The following ZNF516 variants were observed in gnomAD, a reference collection of about 807,000 sequenced individuals.
ZNF516 encodes zinc finger protein 516.
Under a neutral mutation model 79.7 loss-of-function variants are expected in ZNF516, and 19 were observed. The ratio of observed to expected loss-of-function variants is 0.24; its 90% CI spans 0.17 to 0.35. The LOEUF is 0.35. Ranked by LOEUF, ZNF516 falls within the 10% of genes least tolerant of loss-of-function variation. The pLI, the probability that ZNF516 is intolerant of heterozygous loss-of-function variation, is 1.00. For synonymous variants in ZNF516, 877 were observed against 739.5 expected (o/e 1.19, Z -3.02); for missense variants, 1,678 against 1,679.5 (o/e 1.00, Z 0.02).
intron 1 of ZNF516, among the ~76,000 whole-genome samples, chr18:76,469,840 G>T (rs1913721837): frequency 6.6e-6 from 1 of 151,862 alleles, no homozygotes; most frequent in African/African-American, 2.4e-5. Context: ...AGCTAAAATG[G>T]TAAACTTTAT....
chr18:76,475,659 G>C (rs1303230517), intron 1 of ZNF516, among the ~76,000 whole-genome samples: 1 of 152,172 alleles, frequency 6.6e-6, no homozygotes, highest in African/African-American at 2.4e-5. Context: ...CCTCCTGCTG[G>C]CTGCTCACAG....
At chr18:76,421,491 G>GC (rs1438386851) in intron 3 of ZNF516, among the ~76,000 whole-genome samples, 1 of 152,218 alleles carries the variant, frequency 6.6e-6, no homozygotes, top group Non-Finnish European at 1.5e-5. Flanking sequence ...CCCGGGCTGA[G>GC]CCCCCGTGAG....
At chr18:76,411,006 A>G (rs564430307) in intron 3 of ZNF516, among the ~76,000 whole-genome samples, 1 of 152,254 alleles carries the variant, frequency 6.6e-6, no homozygotes, top group Non-Finnish European at 1.5e-5. Flanking sequence ...TAAAGAAATA[A>G]AAGACCAGCT....
At chr18:76,431,557 G>A (rs2075661348) in intron 3 of ZNF516, among the ~76,000 whole-genome samples, 1 of 152,224 alleles carries the variant, frequency 6.6e-6, no homozygotes, top group Non-Finnish European at 1.5e-5. Context: ...TTTGTTGGAG[G>A]TGGGGCCCGA....
Position 76,366,101 on chromosome 18 carries a change from G to A in ZNF516, c.3433-3544C>T, listed in dbSNP as rs984583904. Among the ~76,000 whole-genome samples the A allele has an allele frequency of 1.5e-4, 23 of 152,182 alleles. 1 individual carries two copies. Among genetic ancestry groups the A allele is most frequent in the Non-Finnish European group, 1.5e-4 (10 of 68,032 alleles). On this transcript the variant is annotated intron_variant, in intron 6 of 6. Transcript: ENST00000443185. ...AAAAGACTGCCACTAGTGTCACCAC[G>A]AAAGGAAACTACTTTATTTCTCTTC...
intron 3 of ZNF516, among the ~76,000 whole-genome samples, chr18:76,385,135 C>G (rs2074966645): frequency 6.6e-6 from 1 of 152,262 alleles, no homozygotes; most frequent in Admixed American, 6.5e-5. Context: ...ACGCGTGCCA[C>G]AGACGGTGAC....
rs1454391828 is a variant in ZNF516 at position 76,459,930 on chromosome 18, C to G, written c.-158+3098G>C. Among the ~76,000 whole-genome samples the G allele has an allele frequency of 6.6e-6, 1 of 152,208 alleles. No homozygotes were observed. Among genetic ancestry groups the G allele is most frequent in the African/African-American group, 2.4e-5 (1 of 41,448 alleles). On this transcript the variant is annotated intron_variant, in intron 2 of 6. Coordinates refer to ENST00000443185, the MANE Select transcript of ZNF516 (RefSeq NM_014643.4). This position sits in a 1 kb window ranked among gnomAD's most constrained non-coding sequence, Gnocchi z 5.0. ...GCAGCCTCCTTGGCATCGGGCAGGT[C>G]TGTCTCACCAGTCCCAAATAATGAA...
intron 4 of ZNF516, chr18:76,378,127 G>C: frequency 6.6e-6 from 1 of 152,218 alleles, no homozygotes; most frequent in East Asian, 1.9e-4. Flanking sequence ...TGGACGTTAA[G>C]TGAGAGTGAC....
intron 3 of ZNF516, among the ~76,000 whole-genome samples, chr18:76,408,075 T>C (rs1467488992): frequency 6.6e-6 from 1 of 152,170 alleles, no homozygotes; most frequent in Non-Finnish European, 1.5e-5. Context: ...TTTTCCCATA[T>C]GGTTCATGGG....
At chr18:76,435,503 C>A (rs932956919) in intron 3 of ZNF516, among the ~76,000 whole-genome samples, 2 of 152,204 alleles carry the variant, frequency 1.3e-5, no homozygotes, top group African/African-American at 4.8e-5. Flanking sequence ...CAATCACCGT[C>A]GTGTTCATGT....
At chr18:76,382,847 G>A (rs1484498424) in intron 3 of ZNF516, among the ~76,000 whole-genome samples, 1 of 151,794 alleles carries the variant, frequency 6.6e-6, no homozygotes, top group Non-Finnish European at 1.5e-5. Flanking sequence ...GGAGTTTGAG[G>A]ACAGCCTGGC....
chr18:76,468,265 T>G (rs1044182886), intron 1 of ZNF516, among the ~76,000 whole-genome samples: 1 of 152,216 alleles, frequency 6.6e-6, no homozygotes, highest in African/African-American at 2.4e-5. Context: ...CGTGCTCTTT[T>G]AGTAAGAAAA....
chr18:76,419,194 G>A (rs957002580), intron 3 of ZNF516, among the ~76,000 whole-genome samples: 2 of 152,228 alleles, frequency 1.3e-5, no homozygotes, highest in African/African-American at 4.8e-5. Flanking sequence ...GATTATACAC[G>A]AGGCTGTATA....
chr18:76,491,006 G>C (rs986926657), intron 1 of ZNF516: 2 of 985,116 alleles, frequency 2.0e-6, no homozygotes, highest in African/African-American at 3.5e-5. Context: ...CCCCAAGCCC[G>C]GGTGCCCACC....
At chr18:76,398,449 T>G (rs2075173876) in intron 3 of ZNF516, among the ~76,000 whole-genome samples, 1 of 152,212 alleles carries the variant, frequency 6.6e-6, no homozygotes, top group Admixed American at 6.5e-5. Context: ...CTGAAGCAGA[T>G]GCCAGCTAGC....
intron 1 of ZNF516, among the ~76,000 whole-genome samples, chr18:76,468,784 CA>C (rs1913651857): frequency 6.6e-6 from 1 of 151,980 alleles, no homozygotes; most frequent in Non-Finnish European, 1.5e-5. Flanking sequence ...CGAGGGAAGC[CA>C]AAAAATTGAC....
intron 3 of ZNF516, among the ~76,000 whole-genome samples, chr18:76,381,350 A>G (rs1053057505): frequency 2.9e-4 from 44 of 152,334 alleles, no homozygotes; most frequent in Admixed American, 2.3e-3. Context: ...CGGATATCTT[A>G]AAACTCTCTG....
At chr18:76,436,690 G>A (rs1200790526) in intron 3 of ZNF516, among the ~76,000 whole-genome samples, 1 of 152,158 alleles carries the variant, frequency 6.6e-6, no homozygotes, top group East Asian at 1.9e-4. Context: ...GGCCGCACAG[G>A]CAGACACCCC....
intron 3 of ZNF516, among the ~76,000 whole-genome samples, chr18:76,418,778 GA>G (rs1174655738): frequency 2.0e-5 from 3 of 152,196 alleles, no homozygotes; most frequent in Non-Finnish European, 4.4e-5. Context: ...CAAAGCCGGG[GA>G]AAATGAATTT....
Sources: gnomAD v4.1 joint callset for allele counts (sites outside exome capture counted in the v4.1 genomes callset) on GRCh38, gnomAD v4.1.1 for gene constraint, Gnocchi (gnomAD v3.1) non-coding constraint, MANE v1.5 for transcripts, NCBI Gene and HGNC (gene_info 2026-07-23, HGNC 2026-07-21) for gene names.